Variants in PDXK observed in about 807,000 individuals in gnomAD.
The protein encoded by PDXK is epididymis secretory sperm binding protein Li 1a.
PDXK carries 15 observed loss-of-function variants against 43.2 expected under a neutral mutation model. The ratio of observed to expected loss-of-function variants is 0.35; its 90% confidence interval spans 0.23 to 0.53. PDXK has a LOEUF of 0.53. PDXK is among the 20% of genes least tolerant of loss of function. The pLI is 0.92. For synonymous variants in PDXK, 172 were observed against 165.4 expected (o/e 1.04, Z -0.31); for missense variants, 343 against 417.0 (o/e 0.82, Z 1.54).
At chr21:43,746,199 A>G in intron 5 of PDXK, 74 bp downstream of exon 5, 1 of 1,197,508 alleles carries the variant, frequency 8.4e-7, no homozygotes, top group Non-Finnish European at 1.3e-6. Flanking sequence ...AGACAGGCCC[A>G]CATCTCTAAG....
chr21:43,755,783 A>G lies in PDXK; in HGVS notation c.826+19A>G, dbSNP rs1342862018. The G allele has an allele frequency of 3.7e-6, 6 of 1,609,112 alleles. No homozygotes were observed. Among genetic ancestry groups the G allele is most frequent in the Admixed American group, 3.3e-5 (2 of 60,010 alleles). On this transcript the variant is annotated intron_variant, in intron 10 of 10. Coordinates refer to ENST00000291565, the MANE Select transcript of PDXK (RefSeq NM_003681.5). ...GCAAAAGGTACGGCGGCCGGGCTGC[A>G]TGGGCTGCGTGGGCTCCTGGCTCCC...
In PDXK at chr21:43,756,401, T is replaced by C; in HGVS notation, c.*338T>C. 1 of 257,686 alleles carries C rather than the reference T, an allele frequency of 3.9e-6. No individual in the cohort carries two copies. Among genetic ancestry groups the C allele is most frequent in the Non-Finnish European group, 7.7e-6 (1 of 129,050 alleles). 16.0% of individuals were successfully genotyped at this position (257,686 alleles called of 1,614,324 possible). A position where few individuals can be genotyped will look rare whatever the true frequency, so the allele number is the denominator to read the frequency against. On this transcript the variant is annotated 3_prime_UTR_variant, in exon 11 of 11. Coordinates refer to ENST00000291565, the MANE Select transcript of PDXK (RefSeq NM_003681.5). ...AGCCTGCTGCGTGTGGAGCCTCGAGTGGGCCCTGGCTGCCACTACCGTACA... is the reference window on the plus strand; with the variant it reads ...AGCCTGCTGCGTGTGGAGCCTCGAGCGGGCCCTGGCTGCCACTACCGTACA...
chr21:43,728,651 G>A (rs968226426), intron 1 of PDXK: 25 of 894,490 alleles, frequency 2.8e-5, no homozygotes, highest in Non-Finnish European at 3.2e-5. Context: ...GATAAGGCGC[G>A]CACGTGGGCC....
intron 1 of PDXK, among the ~76,000 whole-genome samples, chr21:43,727,044 C>G (rs186670732): frequency 2.6e-5 from 4 of 152,218 alleles, no homozygotes; most frequent in African/African-American, 7.2e-5. Context: ...CCGGCCCCCC[C>G]GTCTTTCCTG....
rs2147244328 is a variant in PDXK at position 43,737,076 on chromosome 21, T to C, written c.142+2953T>C. The C allele has an allele frequency of 2.5e-6, 2 of 786,528 alleles. No individual in the cohort carries two copies. Among genetic ancestry groups the C allele is most frequent in the Non-Finnish European group, 4.3e-6 (2 of 461,970 alleles). The allele number at this position is 786,528 out of a possible 1,614,324, so 48.7% of individuals were successfully genotyped here. ...ACCTCCCGAGTGGCTGGGACTATAGTTGTGCACCAGCACGCCCACCTCCTG... is the reference window on the plus strand; with the variant it reads ...ACCTCCCGAGTGGCTGGGACTATAGCTGTGCACCAGCACGCCCACCTCCTG... On this transcript the variant is annotated intron_variant, in intron 2 of 10. Transcript: ENST00000291565. This position sits in a 1 kb window ranked among gnomAD's most constrained non-coding sequence, Gnocchi z 4.8.
chr21:43,726,608 A>G (rs1383229194), intron 1 of PDXK, among the ~76,000 whole-genome samples: 2 of 151,860 alleles, frequency 1.3e-5, no homozygotes, highest in Non-Finnish European at 2.9e-5. Flanking sequence ...GGGTTTCACC[A>G]TGTTGGCCAG....
At chr21:43,724,131 C>G (rs2083230589) in intron 1 of PDXK, among the ~76,000 whole-genome samples, 1 of 152,196 alleles carries the variant, frequency 6.6e-6, no homozygotes, top group Admixed American at 6.5e-5. Flanking sequence ...CTTTCATTCT[C>G]GTGGTCCGTC....
chr21:43,737,057 C>T lies in PDXK; in HGVS notation c.142+2934C>T, dbSNP rs746806525. On this transcript the variant is annotated intron_variant, in intron 2 of 10. Coordinates refer to ENST00000291565, the MANE Select transcript of PDXK (RefSeq NM_003681.5). The surrounding 1 kb of genome is among the most constrained non-coding windows in gnomAD (Gnocchi z 4.8). ...AAGCAATCTTTCTGCCTCCACCTCCCGAGTGGCTGGGACTATAGTTGTGCA... is the reference window on the plus strand; with the variant it reads ...AAGCAATCTTTCTGCCTCCACCTCCTGAGTGGCTGGGACTATAGTTGTGCA... 1.2e-5 allele frequency: 9 copies of T among 743,972 alleles called. No individual in the cohort carries two copies. The highest frequency in any genetic ancestry group is 4.4e-5 in the South Asian group (3 of 68,388). 46.1% of individuals were successfully genotyped at this position (743,972 alleles called of 1,614,324 possible). A position where few individuals can be genotyped will look rare whatever the true frequency, so the allele number is the denominator to read the frequency against.
Position 43,737,335 on chromosome 21 carries a change from G to GC in PDXK, c.142+3217dup, listed in dbSNP as rs2083422391. On this transcript the variant is annotated intron_variant, in intron 2 of 10. Transcript: ENST00000291565. This position sits in a 1 kb window ranked among gnomAD's most constrained non-coding sequence, Gnocchi z 4.8. Reference sequence around the variant, plus strand: ...CACTTCTGCCCCTTCCCCCGGCCAGGCCCCCGTTCCTTGAGGCCGTACCAC... The same window carrying GC: ...CACTTCTGCCCCTTCCCCCGGCCAGGCCCCCCGTTCCTTGAGGCCGTACCAC... 4 of 1,339,480 alleles carry GC rather than the reference G, an allele frequency of 3.0e-6. No individual in the cohort carries two copies. The highest frequency in any genetic ancestry group is 6.9e-5 in the Admixed American group (2 of 28,886). The allele number at this position is 1,339,480 out of a possible 1,614,324, so 83.0% of individuals were successfully genotyped here.
intron 7 of PDXK, among the ~76,000 whole-genome samples, chr21:43,750,888 G>C (rs2083731760): frequency 6.6e-6 from 1 of 151,606 alleles, no homozygotes; most frequent in South Asian, 2.1e-4. Context: ...GTGTCCATGG[G>C]CGTGTGGGCA....
Position 43,742,383 on chromosome 21 carries a change from T to C in PDXK, c.247+612T>C, listed in dbSNP as rs182754551. On this transcript the variant is annotated intron_variant, in intron 3 of 10. Coordinates refer to ENST00000291565, the MANE Select transcript of PDXK (RefSeq NM_003681.5). Reference sequence around the variant, plus strand: ...TGTGTGTGGAGACAGGGTTTTGCCATGTTGCCCAGGCTGGTCTTGAACTCC... The same window carrying C: ...TGTGTGTGGAGACAGGGTTTTGCCACGTTGCCCAGGCTGGTCTTGAACTCC... 3.4e-3 allele frequency among the ~76,000 whole-genome samples: 520 copies of C among 152,144 alleles called. 1 individual carries two copies. The highest frequency in any genetic ancestry group is 5.6e-3 in the Non-Finnish European group (383 of 67,970).
intron 8 of PDXK, 130 bp downstream of exon 8, chr21:43,752,759 C>A: frequency 1.6e-6 from 1 of 620,506 alleles, no homozygotes; most frequent in Non-Finnish European, 2.9e-6. Context: ...GATGACACCC[C>A]CATTTTACAG....
chr21:43,760,165 T>A lies in PDXK; in HGVS notation c.*4102T>A, dbSNP rs996520045. 1 of 143,764 alleles carries A rather than the reference T, an allele frequency of 7.0e-6. No homozygotes were observed. The highest frequency in any genetic ancestry group is 2.6e-5 in the African/African-American group (1 of 39,118). The allele number at this position is 143,764 out of a possible 1,614,324, so 8.9% of individuals were successfully genotyped here. ...GGTGGAAGGAGGTGGGAATCTTGGA[T>A]TTTTTGTTTTTTTTTGTTTTTTTTT... On this transcript the variant is annotated 3_prime_UTR_variant, in exon 11 of 11. Coordinates refer to ENST00000291565, the MANE Select transcript of PDXK (RefSeq NM_003681.5).
At chr21:43,727,042 C>T (rs996051521) in intron 1 of PDXK, among the ~76,000 whole-genome samples, 3 of 152,212 alleles carry the variant, frequency 2.0e-5, no homozygotes, top group African/African-American at 7.2e-5. Flanking sequence ...GGCCGGCCCC[C>T]CCGTCTTTCC....
At chr21:43,740,149 G>A (rs1485904648) in intron 2 of PDXK, among the ~76,000 whole-genome samples, 5 of 152,100 alleles carry the variant, frequency 3.3e-5, no homozygotes, top group Admixed American at 6.5e-5. Flanking sequence ...ATGCCGCACT[G>A]TGCCTGGAGC....
At chr21:43,733,959 G>T in intron 1 of PDXK, 110 bp from the exon 2 acceptor site, 1 of 1,103,230 alleles carries the variant, frequency 9.1e-7, no homozygotes, top group Non-Finnish European at 1.4e-6. Context: ...TGGGGGCCCC[G>T]TGCCAGCCGG....
intron 1 of PDXK, among the ~76,000 whole-genome samples, chr21:43,722,930 C>T (rs1339343784): frequency 1.3e-5 from 2 of 152,178 alleles, no homozygotes; most frequent in African/African-American, 4.8e-5. Flanking sequence ...CTCTGCCTCC[C>T]GGGTTCATGC....
At chr21:43,720,641 C>T (rs1046296594) in intron 1 of PDXK, among the ~76,000 whole-genome samples, 1 of 152,146 alleles carries the variant, frequency 6.6e-6, no homozygotes, top group Non-Finnish European at 1.5e-5. Flanking sequence ...GTGGCTCCGG[C>T]TCTTAAGCAC....
rs370869755 is a variant in PDXK at position 43,737,522 on chromosome 21, G to A, written c.142+3399G>A. 21 of 1,028,228 alleles carry A rather than the reference G, an allele frequency of 2.0e-5. No homozygotes were observed. In the East Asian group the frequency reaches 4.1e-4, roughly 20 times the overall value. The allele number at this position is 1,028,228 out of a possible 1,614,324, so 63.7% of individuals were successfully genotyped here. A position where few individuals can be genotyped will look rare whatever the true frequency, so the allele number is the denominator to read the frequency against. On this transcript the variant is annotated intron_variant, in intron 2 of 10. Transcript: ENST00000291565. The surrounding 1 kb of genome is among the most constrained non-coding windows in gnomAD (Gnocchi z 4.8). ...GGAGCCTGCGGAGCTGGAGGTCAGC[G>A]GGTGGACGGGTTGCGCTGTCCTGGC...
Sources: allele counts gnomAD v4.1 joint callset (sites outside exome capture counted in the v4.1 genomes callset), GRCh38; gene constraint gnomAD v4.1.1; non-coding constraint Gnocchi (gnomAD v3.1); transcripts MANE v1.5; gene names NCBI Gene and HGNC (gene_info 2026-07-23, HGNC 2026-07-21).